The following TAP1 variants were observed in gnomAD, a reference collection of about 807,000 sequenced individuals.
TAP1 encodes antigen peptide transporter 1.
A neutral mutation model predicts 79.3 loss-of-function variants in TAP1; 56 were observed. The ratio of observed to expected loss-of-function variants is 0.71; its 90% CI spans 0.57 to 0.88. The LOEUF (loss-of-function observed/expected upper bound fraction) is 0.88. TAP1 is among the 40% of genes least tolerant of loss of function. The pLI, the probability that TAP1 is intolerant of heterozygous loss-of-function variation, is 0.00. For missense variants in TAP1, 737 were observed against 936.3 expected (o/e 0.79, Z 2.78); for synonymous variants, 355 against 401.4 (o/e 0.88, Z 1.38).
rs1770834828 is a variant in TAP1 at position 32,852,258 on chromosome 6, A to G, written c.714-19T>C. On this transcript the variant is annotated intron_variant, in intron 2 of 10. Transcript: ENST00000354258. The surrounding 1 kb of genome is among the most constrained non-coding windows in gnomAD (Gnocchi z 4.8). ...CACTGCACTATAAAGAACCCGGAAA[A>G]AAAGGGGATCAGGGTGTGTTCAGGG... 6.2e-7 allele frequency: 1 copy of G among 1,612,840 alleles called. No homozygotes were observed. Among genetic ancestry groups the G allele is most frequent in the South Asian group, 1.1e-5 (1 of 91,086 alleles).
intron 10 of TAP1, chr6:32,846,088 G>A (rs1223418286): frequency 8.3e-6 from 4 of 483,726 alleles, no homozygotes; most frequent in Non-Finnish European, 1.1e-5. Flanking sequence ...TTTTATATTC[G>A]ATTTTAAGGA....
Position 32,851,787 on chromosome 6 carries a change from C to T in TAP1, c.844+322G>A, listed in dbSNP as rs1044832015. 6.6e-6 allele frequency among the ~76,000 whole-genome samples: 1 copy of T among 152,134 alleles called. No individual in the cohort carries two copies. Among genetic ancestry groups the T allele is most frequent in the African/African-American group, 2.4e-5 (1 of 41,406 alleles). ...TTCCAGGTTTGAAATTCTATGGTTT[C>T]TATCTAAGGATACATAGGAATAGAT... is the stretch of plus-strand genomic sequence containing the variant. On this transcript the variant is annotated intron_variant, in intron 3 of 10. Transcript: ENST00000354258. This position sits in a 1 kb window ranked among gnomAD's most constrained non-coding sequence, Gnocchi z 4.8.
chr6:32,846,593 G>A, intron 10 of TAP1: 1 of 278,592 alleles, frequency 3.6e-6, no homozygotes, highest in South Asian at 3.6e-5. Flanking sequence ...GCTGAGGGGG[G>A]CAGATTACCT....
intron 7 of TAP1, 96 bp from the exon 8 acceptor site, chr6:32,848,188 AG>A: frequency 1.4e-6 from 2 of 1,471,404 alleles, no homozygotes; most frequent in Non-Finnish European, 1.9e-6. Context: ...TTACCCCAGA[AG>A]AAAAACAGGG....
Position 32,850,036 on chromosome 6 carries a change from G to T in TAP1, c.1248+284C>A, listed in dbSNP as rs1309155938. The T allele has an allele frequency of 5.5e-6, 3 of 541,920 alleles. No homozygotes were observed. The highest frequency in any genetic ancestry group is 1.0e-5 in the Non-Finnish European group (3 of 301,212). 33.6% of individuals were successfully genotyped at this position (541,920 alleles called of 1,614,324 possible). On this transcript the variant is annotated intron_variant, in intron 5 of 10. Coordinates refer to ENST00000354258, the MANE Select transcript of TAP1 (RefSeq NM_000593.6). This position sits in a 1 kb window ranked among gnomAD's most constrained non-coding sequence, Gnocchi z 5.5. ...ATTTATGGCGCCCTGCACTTCCCCT[G>T]AGAGGCAAAGGAAGGCCCTAGGACT...
chr6:32,849,422 G>A (rs1220101421), intron 5 of TAP1: 2 of 479,598 alleles, frequency 4.2e-6, no homozygotes, highest in Non-Finnish European at 7.6e-6. Context: ...TATAAAGAAG[G>A]TTATATCACT....
Position 32,851,148 on chromosome 6 carries a change from A to G in TAP1, c.846T>C (p.Gly282=). The change falls in exon 4 of 11, where the codon GGT becomes GGC. Residue 282 remains glycine, a splice_region_variant and synonymous_variant. Transcript: ENST00000354258. The surrounding 1 kb of genome is among the most constrained non-coding windows in gnomAD (Gnocchi z 4.8). ...ETEFFQQNQT[G]NIMSRVTEDT... ...CCTCTGTTACCCGAGACATGATGTT[A>G]CCTGCAGGGTTGGGGAGAAGAGAGT... The G allele has an allele frequency of 1.2e-6, 2 of 1,612,854 alleles. No individual in the cohort carries two copies. Among genetic ancestry groups the G allele is most frequent in the Non-Finnish European group, 1.7e-6 (2 of 1,179,926 alleles).
chr6:32,847,786 C>T lies in TAP1; in HGVS notation c.1741-111G>A. The T allele has an allele frequency of 6.4e-7, 1 of 1,558,682 alleles. No individual in the cohort carries two copies. Among genetic ancestry groups the T allele is most frequent in the Non-Finnish European group, 8.8e-7 (1 of 1,132,330 alleles). On this transcript the variant is annotated intron_variant, in intron 8 of 10. Transcript: ENST00000354258. This position sits in a 1 kb window ranked among gnomAD's most constrained non-coding sequence, Gnocchi z 4.7. ...AGAACATGTCACAAAATCATACTAC[C>T]TCCCTCCTGACTACACCACCATCTC...
At chr6:32,846,731 C>T (rs1256244444) in intron 10 of TAP1, among the ~76,000 whole-genome samples, 3 of 151,946 alleles carry the variant, frequency 2.0e-5, no homozygotes, top group Admixed American at 1.3e-4. Flanking sequence ...AGGGGAGAAT[C>T]GCTTGAGCCC....
chr6:32,849,253 G>C (rs1243693217), intron 5 of TAP1, 135 bp from the exon 6 acceptor site: 2 of 1,099,546 alleles, frequency 1.8e-6, no homozygotes, highest in Non-Finnish European at 2.7e-6. Flanking sequence ...TAGGCAGACA[G>C]GAGAATGAAC....
At chr6:32,846,927 G>T in intron 10 of TAP1, 141 bp downstream of exon 10, 1 of 1,213,230 alleles carries the variant, frequency 8.2e-7, no homozygotes, top group Non-Finnish European at 1.2e-6. Context: ...TCCTTGGGGA[G>T]GCATCCAATG....
chr6:32,852,715 G>A lies in TAP1; in HGVS notation c.599-213C>T. The stretch of plus-strand genomic sequence containing the variant: ...TACCAGAACTTTCAGGATTTTATTA[G>A]GAAGGCTGGAGATCATGAAGTAGAA... On this transcript the variant is annotated intron_variant, in intron 1 of 10. Coordinates refer to ENST00000354258, the MANE Select transcript of TAP1 (RefSeq NM_000593.6). This position sits in a 1 kb window ranked among gnomAD's most constrained non-coding sequence, Gnocchi z 4.8. 1 of 1,459,578 alleles carries A rather than the reference G, an allele frequency of 6.9e-7. No individual in the cohort carries two copies. The highest frequency in any genetic ancestry group is 1.4e-5 in the South Asian group (1 of 70,360). 90.4% of individuals were successfully genotyped at this position (1,459,578 alleles called of 1,614,324 possible).
At chr6:32,848,503 G>T (rs1038351704) in intron 7 of TAP1, 149 bp downstream of exon 7, 34 of 976,952 alleles carry the variant, frequency 3.5e-5, no homozygotes, top group Non-Finnish European at 1.3e-5. Context: ...GTTTGGGGAA[G>T]ATTTATGGAA....
chr6:32,846,347 C>G (rs993396709), intron 10 of TAP1: 1 of 169,202 alleles, frequency 5.9e-6, no homozygotes, highest in African/African-American at 2.4e-5. Context: ...ATGGGCTGGG[C>G]CCGGTGGCTC....
chr6:32,851,159 T>C lies in TAP1; in HGVS notation c.845-10A>G. On this transcript the variant is annotated splice_polypyrimidine_tract_variant and intron_variant, in intron 3 of 10. Transcript: ENST00000354258. This position sits in a 1 kb window ranked among gnomAD's most constrained non-coding sequence, Gnocchi z 4.8. ...CGAGACATGATGTTACCTGCAGGGT[T>C]GGGGAGAAGAGAGTGAGGTGAATCA... 1 of 1,612,452 alleles carries C rather than the reference T, an allele frequency of 6.2e-7. No individual in the cohort carries two copies. Among genetic ancestry groups the C allele is most frequent in the Non-Finnish European group, 8.5e-7 (1 of 1,179,748 alleles).
rs558207318 is a variant in TAP1 at position 32,849,722 on chromosome 6, G to C, written c.1248+598C>G. 5.6e-4 allele frequency: 94 copies of C among 167,076 alleles called. 2 individuals carry two copies. The South Asian group carries it at 0.011, about 19-fold the overall frequency. 10.3% of individuals were successfully genotyped at this position (167,076 alleles called of 1,614,324 possible). A position where few individuals can be genotyped will look rare whatever the true frequency, so the allele number is the denominator to read the frequency against. Reference sequence around the variant, plus strand: ...GCCCAGATCGCGCCACTGCACTCCAGCCTGGGCGACAAAGCGAGACTCCAG... The same window carrying C: ...GCCCAGATCGCGCCACTGCACTCCACCCTGGGCGACAAAGCGAGACTCCAG... On this transcript the variant is annotated intron_variant, in intron 5 of 10. Transcript: ENST00000354258.
chr6:32,847,159 G>T lies in TAP1; in HGVS notation c.1949C>A (p.Ala650Glu). 1 of 1,612,708 alleles carries T rather than the reference G, an allele frequency of 6.2e-7. No individual in the cohort carries two copies. ...GSQLSGGQRQ[A>E]VALARALIRK... is the part of the protein sequence containing the mutation. ...GATCAATGCTCGGGCCAACGCCACT[G>T]CCTGTCGCTGACCCCCTGACAGCTG... Residue 650 changes from alanine (A) to glutamate (E), a missense_variant, in exon 10 of 11, where the codon GCA becomes GAA. This residue lies in a region of TAP1 where 266 missense variants were observed against 332.4 expected (regional missense o/e 0.80). Transcript: ENST00000354258. The surrounding 1 kb of genome is among the most constrained non-coding windows in gnomAD (Gnocchi z 4.7).
chr6:32,849,547 C>T (rs1222949066), intron 5 of TAP1: 2 of 223,266 alleles, frequency 9.0e-6, no homozygotes, highest in Non-Finnish European at 1.8e-5. Context: ...TGAGACCATC[C>T]TGGCTAACAC....
In TAP1 at chr6:32,850,438, A is replaced by G; in HGVS notation, c.1130T>C (p.Val377Ala). The change falls in exon 5 of 11, where the codon GTT (valine) becomes GCT (alanine). Residue 377 changes from valine to alanine, a missense_variant. Val to Ala is a moderately conservative substitution (Grantham distance 64). Coordinates refer to ENST00000354258, the MANE Select transcript of TAP1 (RefSeq NM_000593.6). The surrounding 1 kb of genome is among the most constrained non-coding windows in gnomAD (Gnocchi z 5.5). ...AIEALSAMPT[V>A]RSFANEEGEA... Reference sequence around the variant, plus strand: ...GCCCTCCTCGTTGGCAAAGCTTCGAACTGTAGGCATGGCCGACAGAGCCTC... The same window carrying G: ...GCCCTCCTCGTTGGCAAAGCTTCGAGCTGTAGGCATGGCCGACAGAGCCTC... The G allele has an allele frequency of 6.2e-7, 1 of 1,614,200 alleles. No individual in the cohort carries two copies. Among genetic ancestry groups the G allele is most frequent in the Non-Finnish European group, 8.5e-7 (1 of 1,180,036 alleles).
Sources: allele counts gnomAD v4.1 joint callset (sites outside exome capture counted in the v4.1 genomes callset), GRCh38; gene constraint gnomAD v4.1.1; regional missense constraint gnomAD v4.1.1; non-coding constraint Gnocchi (gnomAD v3.1); transcripts MANE v1.5; gene names NCBI Gene and HGNC (gene_info 2026-07-23, HGNC 2026-07-21).